The following CTNNA3 variants were observed in gnomAD, a reference collection of about 807,000 sequenced individuals.
CTNNA3 encodes catenin alpha-3.
CTNNA3 carries 76 observed loss-of-function variants against 95.7 expected under a neutral mutation model. That is an observed-to-expected ratio of 0.79 (90% CI 0.66 to 0.96). The LOEUF is 0.96. Ranked by LOEUF, CTNNA3 falls within the 40% of genes least tolerant of loss-of-function variation. CTNNA3 has a pLI of 0.00. For synonymous variants in CTNNA3, 431 were observed against 374.4 expected, an observed-to-expected ratio of 1.15 and a Z score of -1.74; for missense variants, 1,191 against 1,089.8, an observed-to-expected ratio of 1.09 and a Z score of -1.31.
chr10:66,363,876 C>A (rs2092693849), intron 12 of CTNNA3, among the ~76,000 whole-genome samples: 1 of 152,026 alleles, frequency 6.6e-6, no homozygotes, highest in South Asian at 2.1e-4. Flanking sequence ...GACTATGCAG[C>A]AGGCATTTCA....
intron 7 of CTNNA3, among the ~76,000 whole-genome samples, chr10:66,777,025 G>T (rs189794378): frequency 2.0e-5 from 3 of 152,276 alleles, no homozygotes; most frequent in Admixed American, 2.0e-4. Flanking sequence ...TAGAGACTCT[G>T]GAGGAGATTT....
At chr10:67,245,779 TG>T (rs1272646934) in intron 5 of CTNNA3, among the ~76,000 whole-genome samples, 1 of 144,852 alleles carries the variant, frequency 6.9e-6, no homozygotes, top group Non-Finnish European at 1.5e-5. Flanking sequence ...TTCTTGAACC[TG>T]GGAAGTGGAG....
At position 67,288,682 on chromosome 10, in the gene CTNNA3, T is replaced by C. The variant is rs144344083; in HGVS notation, c.580-68812A>G. Among the ~76,000 whole-genome samples, 460 of 152,326 alleles carry C rather than the reference T, an allele frequency of 3.0e-3. 3 individuals carry two copies. Among genetic ancestry groups the C allele is most frequent in the African/African-American group, 0.011 (444 of 41,572 alleles). The stretch of plus-strand genomic sequence containing the variant: ...AATCAAAAGATCCAAGCACTAACAC[T>C]GAGTCACATTGTACTCTGGCACCTG... On this transcript the variant is annotated intron_variant, in intron 5 of 17. Transcript: ENST00000433211.
intron 7 of CTNNA3, among the ~76,000 whole-genome samples, chr10:66,793,226 G>A (rs965752861): frequency 3.3e-5 from 5 of 151,968 alleles, no homozygotes; most frequent in Admixed American, 6.6e-5. Flanking sequence ...CTGCAGCCTC[G>A]ACCTTCCCAG....
At chr10:66,479,978 A>ACACACACACACACACACACCCC (rs1427904243) in intron 11 of CTNNA3, among the ~76,000 whole-genome samples, 1 of 151,332 alleles carries the variant, frequency 6.6e-6, no homozygotes, top group African/African-American at 2.4e-5. Flanking sequence ...ACACACACAC[A>ACACACACACACACACACACCCC]CCCCAGAACT....
chr10:65,933,567 A>G (rs2077288140), intron 17 of CTNNA3, among the ~76,000 whole-genome samples: 1 of 152,174 alleles, frequency 6.6e-6, no homozygotes, highest in Non-Finnish European at 1.5e-5. Flanking sequence ...TAAACATTTG[A>G]GATTGTCTTC....
chr10:67,101,217 A>G (rs1452783171), intron 7 of CTNNA3, among the ~76,000 whole-genome samples: 1 of 151,732 alleles, frequency 6.6e-6, no homozygotes, highest in East Asian at 1.9e-4. Context: ...AGCACAAGGA[A>G]AGAAACCCCA....
intron 10 of CTNNA3, among the ~76,000 whole-genome samples, chr10:66,536,279 C>T (rs772002951): frequency 4.6e-5 from 7 of 151,836 alleles, no homozygotes; most frequent in Non-Finnish European, 8.8e-5. Context: ...GTCAAGAGTT[C>T]GAGACCAGCC....
chr10:66,285,085 A>G (rs908554732), intron 12 of CTNNA3, among the ~76,000 whole-genome samples: 29 of 151,620 alleles, frequency 1.9e-4, no homozygotes, highest in South Asian at 1.7e-3. Flanking sequence ...TTTTCAAATG[A>G]TATGTCCCAA....
intron 2 of CTNNA3, among the ~76,000 whole-genome samples, chr10:67,634,829 G>C (rs1263293014): frequency 6.6e-6 from 1 of 152,070 alleles, no homozygotes; most frequent in Admixed American, 6.6e-5. Context: ...CACAAAGCAA[G>C]TCCTTAGAAA....
intron 13 of CTNNA3, among the ~76,000 whole-genome samples, chr10:66,230,819 C>A (rs1328462979): frequency 6.6e-6 from 1 of 152,028 alleles, no homozygotes; most frequent in Non-Finnish European, 1.5e-5. Context: ...TCCCAGTGTG[C>A]TGGATCATTT....
intron 7 of CTNNA3, among the ~76,000 whole-genome samples, chr10:66,930,320 A>C (rs1847304086): frequency 6.6e-6 from 1 of 152,236 alleles, no homozygotes; most frequent in Admixed American, 6.5e-5. Flanking sequence ...ACAAAAAGTC[A>C]CATATTTCCA....
intron 5 of CTNNA3, among the ~76,000 whole-genome samples, chr10:67,316,275 G>A (rs1055051680): frequency 6.6e-6 from 1 of 152,192 alleles, no homozygotes; most frequent in African/African-American, 2.4e-5. Context: ...CTGGAAAGAT[G>A]TTCAAATGCT....
intron 2 of CTNNA3, among the ~76,000 whole-genome samples, chr10:67,642,639 C>A (rs956986608): frequency 6.6e-6 from 1 of 152,056 alleles, no homozygotes; most frequent in Admixed American, 6.6e-5. Context: ...ATCACTGAAA[C>A]CCAGCAGGTA....
chr10:67,224,507 T>C (rs10997580), intron 5 of CTNNA3, among the ~76,000 whole-genome samples: 12,911 of 152,206 alleles, frequency 0.085, 658 homozygotes, highest in East Asian at 0.14. Flanking sequence ...GGACTGCTCC[T>C]GCAAAATCTG....
intron 12 of CTNNA3, among the ~76,000 whole-genome samples, chr10:66,355,097 C>G (rs1297281024): frequency 6.6e-6 from 1 of 152,108 alleles, no homozygotes; most frequent in African/African-American, 2.4e-5. Flanking sequence ...CATCATCAAA[C>G]ATACCTGAGA....
intron 10 of CTNNA3, among the ~76,000 whole-genome samples, chr10:66,589,968 G>A (rs971574138): frequency 6.6e-6 from 1 of 151,850 alleles, no homozygotes; most frequent in Admixed American, 6.6e-5. Flanking sequence ...AAATTACTTT[G>A]CTCTTAAGGA....
At chr10:67,317,191 T>A (rs1841091018) in intron 5 of CTNNA3, among the ~76,000 whole-genome samples, 1 of 152,076 alleles carries the variant, frequency 6.6e-6, no homozygotes, top group Admixed American at 6.5e-5. Context: ...TTTTGTTTTT[T>A]TCTTTTTTTG....
intron 7 of CTNNA3, among the ~76,000 whole-genome samples, chr10:67,032,402 C>T (rs534422025): frequency 6.6e-6 from 1 of 152,118 alleles, no homozygotes; most frequent in Admixed American, 6.5e-5. Flanking sequence ...CCAATAAAAT[C>T]ATATTTAACG....
Sources: gnomAD v4.1 joint callset for allele counts (sites outside exome capture counted in the v4.1 genomes callset) on GRCh38, gnomAD v4.1.1 for gene constraint, MANE v1.5 for transcripts, NCBI Gene and HGNC (gene_info 2026-07-23, HGNC 2026-07-21) for gene names.